CNTNAP2: variants seen among roughly 807,000 people sequenced by gnomAD.
The protein encoded by CNTNAP2 is contactin associated protein 2.
In CNTNAP2, 98 loss-of-function variants were observed where a neutral mutation model predicts 155.2. That is an observed-to-expected ratio of 0.63 (90% confidence interval 0.54 to 0.75). The LOEUF is 0.75. Ranked by LOEUF, CNTNAP2 falls within the 30% of genes least tolerant of loss-of-function variation. The pLI is 0.00. For synonymous variants in CNTNAP2, 651 were observed against 631.2 expected (o/e 1.03, Z -0.47); for missense variants, 1,727 against 1,688.1 (o/e 1.02, Z -0.40).
intron 8 of CNTNAP2, among the ~76,000 whole-genome samples, chr7:147,189,658 T>C (rs1468531766): frequency 1.3e-5 from 2 of 152,338 alleles, no homozygotes; most frequent in East Asian, 1.9e-4. Flanking sequence ...ATTAATCATT[T>C]TGAGAAATAC....
At chr7:147,839,210 G>A (rs1335862354) in intron 13 of CNTNAP2, among the ~76,000 whole-genome samples, 1 of 152,090 alleles carries the variant, frequency 6.6e-6, no homozygotes, top group Non-Finnish European at 1.5e-5. Flanking sequence ...ATTGAGGGTG[G>A]ATCTGCCTTC....
chr7:146,961,144 C>T (rs1008786549), intron 3 of CNTNAP2, among the ~76,000 whole-genome samples: 42 of 152,172 alleles, frequency 2.8e-4, no homozygotes, highest in Admixed American at 2.7e-3. Flanking sequence ...ATTCATTTTC[C>T]ACTTGACATA....
At chr7:146,928,772 C>T (rs993781552) in intron 3 of CNTNAP2, among the ~76,000 whole-genome samples, 26 of 152,194 alleles carry the variant, frequency 1.7e-4, no homozygotes, top group Non-Finnish European at 3.4e-4. Flanking sequence ...AAGCGGTGCA[C>T]CAGGAGATTA....
intron 3 of CNTNAP2, among the ~76,000 whole-genome samples, chr7:146,877,562 C>T (rs774674159): frequency 1.3e-5 from 2 of 150,272 alleles, no homozygotes; most frequent in Non-Finnish European, 3.0e-5. Flanking sequence ...TATGTGTATA[C>T]TATATATGTG....
chr7:147,099,844 G>A (rs1488221676), intron 4 of CNTNAP2, among the ~76,000 whole-genome samples: 1 of 152,094 alleles, frequency 6.6e-6, no homozygotes, highest in Non-Finnish European at 1.5e-5. Flanking sequence ...GATTTTGTGT[G>A]GTCAAAAGTT....
chr7:146,416,228 C>T (rs1795936605), intron 1 of CNTNAP2, among the ~76,000 whole-genome samples: 1 of 150,834 alleles, frequency 6.6e-6, no homozygotes, highest in Non-Finnish European at 1.5e-5. Flanking sequence ...ATTGTATTGT[C>T]AACACTAAAT....
intron 15 of CNTNAP2, among the ~76,000 whole-genome samples, chr7:148,065,482 T>C (rs1585106775): frequency 6.6e-6 from 1 of 152,202 alleles, no homozygotes; most frequent in Non-Finnish European, 1.5e-5. Context: ...GTTAGGTGCA[T>C]ATATATTTAA....
At chr7:146,707,966 C>G (rs2129174538) in intron 1 of CNTNAP2, among the ~76,000 whole-genome samples, 1 of 152,070 alleles carries the variant, frequency 6.6e-6, no homozygotes, top group South Asian at 2.1e-4. Context: ...ATGTATGCAT[C>G]AGCAACTGTG....
At chr7:148,054,034 GT>G (rs1802958768) in intron 15 of CNTNAP2, among the ~76,000 whole-genome samples, 1 of 147,618 alleles carries the variant, frequency 6.8e-6, no homozygotes, top group African/African-American at 2.5e-5. Context: ...GTGCAGTGGT[GT>G]GGTCTCAGCT....
intron 13 of CNTNAP2, among the ~76,000 whole-genome samples, chr7:147,815,718 TA>T (rs1054161068): frequency 4.6e-5 from 7 of 152,218 alleles, no homozygotes; most frequent in Admixed American, 3.9e-4. Flanking sequence ...TGGACATTTT[TA>T]AAGGGCCATT....
chr7:147,063,595 C>G (rs948299721), intron 4 of CNTNAP2, among the ~76,000 whole-genome samples: 2 of 152,038 alleles, frequency 1.3e-5, no homozygotes, highest in African/African-American at 2.4e-5. Context: ...AATGTCTACA[C>G]TTAAGCTATT....
intron 15 of CNTNAP2, among the ~76,000 whole-genome samples, chr7:148,085,080 C>T (rs537018588): frequency 1.3e-5 from 2 of 152,282 alleles, no homozygotes; most frequent in African/African-American, 4.8e-5. Flanking sequence ...AATTAATGCT[C>T]CCAGGTACAC....
At position 147,915,755 on chromosome 7, in the gene CNTNAP2, G is replaced by A. The variant is rs775672413; in HGVS notation, c.2255+12034G>A. On this transcript the variant is annotated intron_variant, in intron 14 of 23. Coordinates refer to ENST00000361727, the MANE Select transcript of CNTNAP2 (RefSeq NM_014141.6). ...TTTACCAGTGATCTGGGTGGCGGGC[G>A]GGGGTGAAGAAGAAGAAAAAAAAGG... is the stretch of plus-strand genomic sequence containing the variant. Among the ~76,000 whole-genome samples the A allele has an allele frequency of 3.4e-3, 507 of 149,344 alleles. 1 individual carries two copies. Among genetic ancestry groups the A allele is most frequent in the Middle Eastern group, 0.01 (3 of 286 alleles).
intron 8 of CNTNAP2, among the ~76,000 whole-genome samples, chr7:147,219,781 C>T (rs912074489): frequency 1.3e-5 from 2 of 151,954 alleles, no homozygotes; most frequent in Non-Finnish European, 2.9e-5. Context: ...GGCTTCATCA[C>T]TTTTTTTGTT....
intron 1 of CNTNAP2, among the ~76,000 whole-genome samples, chr7:146,381,384 T>G (rs1256746460): frequency 6.6e-6 from 1 of 152,202 alleles, no homozygotes; most frequent in Non-Finnish European, 1.5e-5. Flanking sequence ...TTAAATTGGA[T>G]GAGACCATGT....
intron 20 of CNTNAP2, among the ~76,000 whole-genome samples, chr7:148,248,402 T>C (rs1236097617): frequency 2.0e-5 from 3 of 152,110 alleles, no homozygotes; most frequent in African/African-American, 7.2e-5. Context: ...TTTCACTATG[T>C]TGACCAGGCT....
At chr7:147,318,265 A>C (rs927735649) in intron 9 of CNTNAP2, among the ~76,000 whole-genome samples, 3 of 152,076 alleles carry the variant, frequency 2.0e-5, no homozygotes, top group Non-Finnish European at 4.4e-5. Flanking sequence ...AATGTGGTGA[A>C]ACCCCATCTT....
intron 8 of CNTNAP2, among the ~76,000 whole-genome samples, chr7:147,273,613 T>C (rs1804814438): frequency 6.6e-6 from 1 of 151,916 alleles, no homozygotes. Context: ...ATGAAGTATT[T>C]GATTTTCTAT....
intron 9 of CNTNAP2, among the ~76,000 whole-genome samples, chr7:147,390,764 C>T (rs141468590): frequency 1.7e-4 from 26 of 152,128 alleles, no homozygotes; most frequent in African/African-American, 5.8e-4. Context: ...CGGAGCAGCA[C>T]TGATTGTGTG....
Sources: allele counts gnomAD v4.1 joint callset (sites outside exome capture counted in the v4.1 genomes callset), GRCh38; gene constraint gnomAD v4.1.1; transcripts MANE v1.5; gene names NCBI Gene and HGNC (gene_info 2026-07-23, HGNC 2026-07-21).